The following ZW10 variants were observed in gnomAD, a reference collection of about 807,000 sequenced individuals.
ZW10 encodes the protein centromere/kinetochore protein zw10 homolog.
A neutral mutation model predicts 87.8 loss-of-function variants in ZW10; 53 were observed. The ratio of observed to expected loss-of-function variants is 0.60; its 90% CI spans 0.48 to 0.76. The LOEUF (loss-of-function observed/expected upper bound fraction) is 0.76, where lower values mean the gene tolerates loss of function less well. ZW10 is among the 30% of genes least tolerant of loss of function. The pLI is 0.00. For synonymous variants in ZW10, 312 were observed against 329.2 expected, an observed-to-expected ratio of 0.95 and a Z score of 0.57; for missense variants, 837 against 923.0, an observed-to-expected ratio of 0.91 and a Z score of 1.21.
chr11:113,772,654 A>G (rs1937647004), intron 1 of ZW10, among the ~76,000 whole-genome samples: 1 of 152,094 alleles, frequency 6.6e-6, no homozygotes, highest in South Asian at 2.1e-4. Context: ...GCACAGCTTC[A>G]TGTGCTTGTA....
chr11:113,743,014 T>G (rs1953638798), intron 10 of ZW10, among the ~76,000 whole-genome samples: 1 of 152,214 alleles, frequency 6.6e-6, no homozygotes. Flanking sequence ...AAAGAAGCTT[T>G]TATAAACCTG....
At chr11:113,754,982 C>A (rs1216294105) in intron 7 of ZW10, among the ~76,000 whole-genome samples, 1 of 152,092 alleles carries the variant, frequency 6.6e-6, no homozygotes, top group Admixed American at 6.5e-5. Context: ...TCTGTTGAGA[C>A]CTACTGCTCA....
At chr11:113,749,769 T>C (rs531093787) in intron 7 of ZW10, among the ~76,000 whole-genome samples, 18 of 152,384 alleles carry the variant, frequency 1.2e-4, no homozygotes, top group Non-Finnish European at 1.9e-4. Flanking sequence ...ATTGTTTTGA[T>C]AGAACTACAT....
rs1953652123 is a variant in ZW10, at chr11:113,743,961, G to C, written c.1352C>G (p.Ser451Cys). 2 of 1,614,192 alleles carry C rather than the reference G, an allele frequency of 1.2e-6. No homozygotes were observed. Among genetic ancestry groups the C allele is most frequent in the Non-Finnish European group, 8.5e-7 (1 of 1,180,024 alleles). The stretch of plus-strand genomic sequence containing the variant: ...CATCACTTCGTGGTACTGAGTATTG[G>C]ATACTTTCTGTACTTCCAGTTTGTT... ...EDNKLEVQKV[S>C]NTQYHEVMNL... Residue 451 changes from serine to cysteine, a missense_variant, in exon 10 of 16, where the codon TCC (serine) becomes TGC (cysteine). Ser to Cys is a moderately radical substitution (Grantham distance 112). Transcript: ENST00000200135.
chr11:113,736,845 C>A, intron 14 of ZW10, 23 bp from the exon 15 acceptor site: 1 of 1,611,088 alleles, frequency 6.2e-7, no homozygotes, highest in Non-Finnish European at 8.5e-7. Context: ...AGAGGAAACA[C>A]AATAGAATAG....
chr11:113,733,965 C>T, intron 15 of ZW10, 151 bp from the exon 16 acceptor site: 1 of 919,602 alleles, frequency 1.1e-6, no homozygotes. Context: ...TAGAACTGCC[C>T]CTCAATGTGT....
chr11:113,765,759 C>T lies in ZW10; in HGVS notation c.240+3074G>A, dbSNP rs534279437. Among the ~76,000 whole-genome samples the T allele has an allele frequency of 8.5e-5, 13 of 152,286 alleles. No homozygotes were observed. The South Asian group carries it at 1.5e-3, about 17-fold the overall frequency. On this transcript the variant is annotated intron_variant, in intron 2 of 15. Transcript: ENST00000200135. ...TCTCTAGAGGTCTCTCACATTTCTG[C>T]ACTATCTTACAAGTAAGGCAATTAC...
chr11:113,759,863 AG>A (rs916817077), intron 5 of ZW10, among the ~76,000 whole-genome samples: 5 of 152,224 alleles, frequency 3.3e-5, no homozygotes, highest in African/African-American at 1.2e-4. Context: ...TAGGGCTGTC[AG>A]GAACGGGCAC....
rs770717538 is a variant in ZW10, at chr11:113,737,565, C to T, written c.2016+7G>A. On this transcript the variant is annotated splice_region_variant and intron_variant, in intron 14 of 15. Coordinates refer to ENST00000200135, the MANE Select transcript of ZW10 (RefSeq NM_004724.4). ...TCAAGGCTAGTGTAGCATCTAATGG[C>T]CCTTACCTCTAGGGCAGTAATTTTG... 6.2e-7 allele frequency: 1 copy of T among 1,604,662 alleles called. No homozygotes were observed. Among genetic ancestry groups the T allele is most frequent in the Non-Finnish European group, 8.5e-7 (1 of 1,173,738 alleles).
intron 2 of ZW10, among the ~76,000 whole-genome samples, chr11:113,768,170 A>C (rs1953926841): frequency 6.6e-6 from 1 of 152,252 alleles, no homozygotes; most frequent in Non-Finnish European, 1.5e-5. Flanking sequence ...ACACCTATTG[A>C]AAAAATTCTC....
chr11:113,738,400 A>C lies in ZW10; in HGVS notation c.1754-6T>G. ...GGCCAAAAAGCATTCTGTCCCTATG[A>C]TGGAAAAACAGAATAAAAAATTTTA... is the stretch of plus-strand genomic sequence containing the variant. On this transcript the variant is annotated splice_polypyrimidine_tract_variant and splice_region_variant and intron_variant, in intron 12 of 15. Coordinates refer to ENST00000200135, the MANE Select transcript of ZW10 (RefSeq NM_004724.4). 1 of 1,605,076 alleles carries C rather than the reference A, an allele frequency of 6.2e-7. No homozygotes were observed. Among genetic ancestry groups the C allele is most frequent in the Non-Finnish European group, 8.5e-7 (1 of 1,177,768 alleles).
chr11:113,748,521 GAA>G, intron 7 of ZW10, 101 bp from the exon 8 acceptor site: 1 of 979,214 alleles, frequency 1.0e-6, no homozygotes, highest in Non-Finnish European at 1.5e-6. Flanking sequence ...TGATGGGGAA[GAA>G]AACAGCACAG....
chr11:113,743,801 C>G lies in ZW10; in HGVS notation c.1511+1G>C. The G allele has an allele frequency of 6.2e-7, 1 of 1,610,932 alleles. No homozygotes were observed. The highest frequency in any genetic ancestry group is 8.5e-7 in the Non-Finnish European group (1 of 1,177,150). ...ATTTTCACACAACCCAGAATTCGTA[C>G]CATTGATCACTACTGGTTGTTGCCT... On this transcript the variant is annotated splice_donor_variant, in intron 10 of 15. Coordinates refer to ENST00000200135, the MANE Select transcript of ZW10 (RefSeq NM_004724.4). LOFTEE classifies it high-confidence loss of function.
chr11:113,746,495 C>CAAAAAAAAAA (rs566009326), intron 9 of ZW10, among the ~76,000 whole-genome samples: 35 of 105,286 alleles, frequency 3.3e-4, no homozygotes, highest in African/African-American at 7.0e-4. Flanking sequence ...ACAAAACAGT[C>CAAAAAAAAAA]AAAAAAAAAA....
At chr11:113,757,327 T>C (rs1953799367) in intron 7 of ZW10, among the ~76,000 whole-genome samples, 1 of 152,216 alleles carries the variant, frequency 6.6e-6, no homozygotes. Flanking sequence ...ACTTGGTTCA[T>C]TTCTTCTTCT....
chr11:113,745,032 CAT>C (rs1953664796), intron 9 of ZW10, among the ~76,000 whole-genome samples: 2 of 151,900 alleles, frequency 1.3e-5, no homozygotes, highest in South Asian at 4.2e-4. Context: ...GTACCAGGCA[CAT>C]GTGTTGGCTT....
chr11:113,751,053 C>T (rs1251212966), intron 7 of ZW10: 9 of 152,832 alleles, frequency 5.9e-5, no homozygotes. Flanking sequence ...ATTTTATGCA[C>T]AAAGAGCCAT....
chr11:113,751,916 C>T (rs548031644), intron 7 of ZW10, among the ~76,000 whole-genome samples: 18 of 152,072 alleles, frequency 1.2e-4, no homozygotes, highest in African/African-American at 4.3e-4. Flanking sequence ...TGCTTCACTC[C>T]ATCACGTGAT....
intron 13 of ZW10, 116 bp downstream of exon 13, chr11:113,738,148 G>T: frequency 8.6e-7 from 1 of 1,163,482 alleles, no homozygotes; most frequent in Non-Finnish European, 1.2e-6. Context: ...AAAGGTGGGG[G>T]TGCAGGGAAT....
Sources: allele counts gnomAD v4.1 joint callset (sites outside exome capture counted in the v4.1 genomes callset), GRCh38; gene constraint gnomAD v4.1.1; transcripts MANE v1.5; gene names NCBI Gene and HGNC (gene_info 2026-07-23, HGNC 2026-07-21).